SPTAN1: variants seen among roughly 807,000 people sequenced by gnomAD.
SPTAN1 encodes the protein spectrin alpha chain, non-erythrocytic 1.
Under a neutral mutation model 331.3 loss-of-function variants are expected in SPTAN1, and 61 were observed. That is an observed-to-expected ratio of 0.18 (90% CI 0.15 to 0.23). The LOEUF (loss-of-function observed/expected upper bound fraction) is 0.23. SPTAN1 is among the 10% of genes least tolerant of loss of function. The pLI is 1.00. For missense variants in SPTAN1, 2,043 were observed against 3,147.9 expected (o/e 0.65, Z 8.40); for synonymous variants, 1,153 against 1,173.9 (o/e 0.98, Z 0.36).
Position 128,589,601 on chromosome 9 carries a change from T to C in SPTAN1, c.3006+658T>C, listed in dbSNP as rs1351532667. Among the ~76,000 whole-genome samples the C allele has an allele frequency of 9.2e-5, 11 of 120,144 alleles. No homozygotes were observed. The South Asian group carries it at 1.9e-3, about 21-fold the overall frequency. 78.8% of individuals were successfully genotyped at this position (120,144 alleles called of 152,430 possible). On this transcript the variant is annotated intron_variant, in intron 21 of 56. Transcript: ENST00000372739. ...TTTTTTTTTTTTTTTTTTGAGACAA[T>C]GTCTTGCTCTGTCGTCCAGGTTGCA...
At chr9:128,608,071 G>A (rs1360821185) in intron 33 of SPTAN1, 22 bp downstream of exon 33, 2 of 1,614,120 alleles carry the variant, frequency 1.2e-6, no homozygotes, top group Non-Finnish European at 1.7e-6. Flanking sequence ...CCTGGTTTCT[G>A]ACCAAGTGTT....
chr9:128,584,676 TTTCTC>T (rs1210376927), intron 17 of SPTAN1, 40 bp from the exon 18 acceptor site: 1 of 1,614,194 alleles, frequency 6.2e-7, no homozygotes, highest in Non-Finnish European at 8.5e-7. Flanking sequence ...AGTGCTGACT[TTTCTC>T]TTCATGGTTG....
intron 1 of SPTAN1, among the ~76,000 whole-genome samples, chr9:128,562,400 C>T (rs908972680): frequency 2.7e-4 from 41 of 152,238 alleles, no homozygotes; most frequent in African/African-American, 8.4e-4. Context: ...CGCGCCCAGC[C>T]GAGATCTGTA....
chr9:128,630,092 C>T (rs1161471611), intron 51 of SPTAN1: 2 of 712,672 alleles, frequency 2.8e-6, no homozygotes, highest in East Asian at 2.7e-5. Flanking sequence ...GGGCTCAGCC[C>T]TGGCCCACAC....
rs768098501 is a variant in SPTAN1, at chr9:128,588,863, T to C, written c.2926T>C (p.Tyr976His). 6.2e-7 allele frequency: 1 copy of C among 1,614,168 alleles called. No individual in the cohort carries two copies. Among genetic ancestry groups the C allele is most frequent in the South Asian group, 1.1e-5 (1 of 91,072 alleles). Residue 976 changes from tyrosine (Y) to histidine (H), a missense_variant, in exon 21 of 57, where the codon TAC (tyrosine) becomes CAC (histidine). Physicochemically the swap from Tyr to His is moderately conservative, Grantham distance 83. Coordinates refer to ENST00000372739, the MANE Select transcript of SPTAN1 (RefSeq NM_001130438.3). ...TGGGAAGGAGCTGGTCTTGGCTCTC[T>C]ACGACTATCAGGAGAAGAGTCCCCG... ...ETGKELVLAL[Y>H]DYQEKSPREV...
intron 3 of SPTAN1, among the ~76,000 whole-genome samples, chr9:128,572,826 T>C (rs1385141601): frequency 1.3e-5 from 2 of 152,004 alleles, no homozygotes; most frequent in African/African-American, 4.8e-5. Context: ...CACATCCGAG[T>C]AGGTGGAGTA....
chr9:128,560,944 AG>A (rs1434391774), intron 1 of SPTAN1, among the ~76,000 whole-genome samples: 2 of 129,498 alleles, frequency 1.5e-5, no homozygotes, highest in Non-Finnish European at 3.2e-5. Context: ...TGAACCTGGG[AG>A]GCGGATGTTG....
rs576211164 is a variant in SPTAN1, at chr9:128,589,604, C to A, written c.3006+661C>A. ...TTTTTTTTTTTTTTTGAGACAATGT[C>A]TTGCTCTGTCGTCCAGGTTGCAGTG... is the stretch of plus-strand genomic sequence containing the variant. On this transcript the variant is annotated intron_variant, in intron 21 of 56. Coordinates refer to ENST00000372739, the MANE Select transcript of SPTAN1 (RefSeq NM_001130438.3). Among the ~76,000 whole-genome samples, 940 of 109,508 alleles carry A rather than the reference C, an allele frequency of 8.6e-3. 10 individuals carry two copies. Among genetic ancestry groups the A allele is most frequent in the African/African-American group, 0.031 (891 of 28,358 alleles). 71.8% of individuals were successfully genotyped at this position (109,508 alleles called of 152,430 possible).
At chr9:128,620,191 T>G (rs1438709748) in intron 44 of SPTAN1, among the ~76,000 whole-genome samples, 1 of 152,216 alleles carries the variant, frequency 6.6e-6, no homozygotes, top group Non-Finnish European at 1.5e-5. Flanking sequence ...TGCTGCAAAG[T>G]ATCATGGTCA....
At chr9:128,559,990 C>T (rs573558478) in intron 1 of SPTAN1, among the ~76,000 whole-genome samples, 12 of 152,162 alleles carry the variant, frequency 7.9e-5, no homozygotes, top group Middle Eastern at 3.4e-3. Context: ...CCGCCTTGGC[C>T]TCCCAAAGTG....
chr9:128,613,202 G>A (rs1182779440), intron 39 of SPTAN1, among the ~76,000 whole-genome samples, 179 bp from the exon 40 acceptor site: 1 of 152,198 alleles, frequency 6.6e-6, no homozygotes, highest in African/African-American at 2.4e-5. Context: ...CGAGTGGAGA[G>A]AGTGTCTCAG....
intron 48 of SPTAN1, 71 bp downstream of exon 48, chr9:128,626,049 A>G: frequency 5.1e-6 from 8 of 1,570,232 alleles, no homozygotes; most frequent in Non-Finnish European, 7.0e-6. Context: ...CTGTCTGCCC[A>G]GCTCTGCCAC....
At position 128,578,207 on chromosome 9, in the gene SPTAN1, G is replaced by A. The variant is rs755165878; in HGVS notation, c.1183G>A (p.Gly395Arg). The A allele has an allele frequency of 6.2e-7, 1 of 1,614,152 alleles. No individual in the cohort carries two copies. Among genetic ancestry groups the A allele is most frequent in the Non-Finnish European group, 8.5e-7 (1 of 1,180,038 alleles). The part of the protein sequence containing the change: ...NADELASDVA[G>R]AEALLDRHQE... ...AGATGAGCTTGCCAGTGATGTGGCT[G>A]GGGCTGAAGCCCTGCTAGATAGACA... Residue 395 changes from glycine to arginine, a missense_variant, in exon 9 of 57, where the codon GGG (glycine) becomes AGG (arginine). Gly to Arg is a moderately radical substitution (Grantham distance 125). Coordinates refer to ENST00000372739, the MANE Select transcript of SPTAN1 (RefSeq NM_001130438.3).
chr9:128,570,460 C>A (rs1288676653), intron 3 of SPTAN1, among the ~76,000 whole-genome samples: 2 of 150,616 alleles, frequency 1.3e-5, no homozygotes, highest in East Asian at 3.9e-4. Flanking sequence ...GCCTCAGCCT[C>A]CTAACTAGCT....
intron 1 of SPTAN1, among the ~76,000 whole-genome samples, chr9:128,559,373 A>C (rs1252493445): frequency 1.3e-5 from 2 of 152,116 alleles, no homozygotes; most frequent in Non-Finnish European, 2.9e-5. Flanking sequence ...CGATATTATG[A>C]TGGAGATTTT....
At chr9:128,606,498 G>GA (rs1320279172) in intron 31 of SPTAN1, among the ~76,000 whole-genome samples, 2 of 81,098 alleles carry the variant, frequency 2.5e-5, no homozygotes, top group African/African-American at 4.0e-5. Context: ...TTTTTTTTTT[G>GA]GGGGGGGAAG....
In SPTAN1 at chr9:128,583,071, T is replaced by G; in HGVS notation, c.1807-6T>G. 6.2e-7 allele frequency: 1 copy of G among 1,614,024 alleles called. No homozygotes were observed. Among genetic ancestry groups the G allele is most frequent in the Non-Finnish European group, 8.5e-7 (1 of 1,180,026 alleles). ...GATAGAAAGAACCCCCTTCTTTTAT[T>G]CACAGGATCCATCCAACCTACAAGG... is the stretch of plus-strand genomic sequence containing the variant. On this transcript the variant is annotated splice_polypyrimidine_tract_variant and splice_region_variant and intron_variant, in intron 14 of 56. Transcript: ENST00000372739.
At position 128,593,606 on chromosome 9, in the gene SPTAN1, T is replaced by A. The variant is rs573370991; in HGVS notation, c.3215+564T>A. The A allele has an allele frequency of 3.4e-5, 7 of 207,620 alleles. No individual in the cohort carries two copies. The East Asian group carries it at 7.9e-4, about 23-fold the overall frequency. The allele number at this position is 207,620 out of a possible 1,614,324, so 12.9% of individuals were successfully genotyped here. On this transcript the variant is annotated intron_variant, in intron 23 of 56. Transcript: ENST00000372739. ...TCAAGTAACAGAATGGCACAGATAC[T>A]CAGTACTGTGCCTGATTTTCCTTCT...
rs570247500 is a variant in SPTAN1 at position 128,608,933 on chromosome 9, T to C, written c.4551T>C (p.Tyr1517=). The change falls in exon 35 of 57, where the codon TAT becomes TAC. Residue 1517 remains tyrosine (Y), a synonymous_variant. Transcript: ENST00000372739. ...FADQLIAAGH[Y]AKGDISSRRN... ...ACCAGCTCATCGCTGCCGGCCATTA[T>C]GCCAAGGGAGACATTTCTAGCCGGC... 1.8e-4 allele frequency: 295 copies of C among 1,614,234 alleles called. 5 individuals are homozygous for C. In the South Asian group the frequency reaches 3.1e-3, roughly 17 times the overall value.
Sources: allele counts gnomAD v4.1 joint callset (sites outside exome capture counted in the v4.1 genomes callset), GRCh38; gene constraint gnomAD v4.1.1; transcripts MANE v1.5; gene names NCBI Gene and HGNC (gene_info 2026-07-23, HGNC 2026-07-21).